CTNNA1: variants seen among roughly 807,000 people sequenced by gnomAD.
The protein encoded by CTNNA1 is catenin alpha 1, also known as catenin alpha-1.
Under a neutral mutation model 98.4 loss-of-function variants are expected in CTNNA1, and 37 were observed. The ratio of observed to expected loss-of-function variants is 0.38; its 90% CI spans 0.29 to 0.49. The LOEUF is 0.49. Among genes scored for constraint, CTNNA1 ranks in the 20% least tolerant of loss-of-function variants. The pLI is 0.95. For synonymous variants in CTNNA1, 404 were observed against 413.2 expected, an observed-to-expected ratio of 0.98 and a Z score of 0.27; for missense variants, 761 against 1,147.2, an observed-to-expected ratio of 0.66 and a Z score of 4.86.
At chr5:138,790,866 A>T (rs956305209) in intron 3 of CTNNA1, 6 of 152,134 alleles carry the variant, frequency 3.9e-5, no homozygotes, top group African/African-American at 1.4e-4. Context: ...TCATTTTGTG[A>T]CTATCGTACC....
intron 9 of CTNNA1, among the ~76,000 whole-genome samples, chr5:138,889,682 G>A (rs764222498): frequency 1.1e-4 from 13 of 113,542 alleles, no homozygotes; most frequent in Non-Finnish European, 1.8e-4. Context: ...TCACAGCTCA[G>A]TTCTGACCCC....
chr5:138,864,529 G>GT (rs754669279), intron 7 of CTNNA1, among the ~76,000 whole-genome samples: 29 of 152,174 alleles, frequency 1.9e-4, no homozygotes, highest in Non-Finnish European at 3.4e-4. Context: ...AAGAAGGGTA[G>GT]TTTTTGGGAG....
chr5:138,902,022 T>C (rs1343200863), intron 9 of CTNNA1, among the ~76,000 whole-genome samples: 3 of 152,180 alleles, frequency 2.0e-5, no homozygotes, highest in Non-Finnish European at 2.9e-5. Flanking sequence ...CCTCCTGAAA[T>C]AGGCAGTGTG....
intron 7 of CTNNA1, chr5:138,881,045 C>T (rs1752797813): frequency 2.2e-6 from 1 of 456,150 alleles, no homozygotes; most frequent in South Asian, 1.5e-5. Flanking sequence ...TTTATAGCAG[C>T]ATGTCAGCAT....
At chr5:138,834,244 A>G (rs1047992600) in intron 7 of CTNNA1, among the ~76,000 whole-genome samples, 10 of 152,200 alleles carry the variant, frequency 6.6e-5, no homozygotes, top group Admixed American at 5.9e-4. Flanking sequence ...GAATTAGAGT[A>G]GCTTAATTTT....
At chr5:138,893,873 C>T (rs1034702980) in intron 9 of CTNNA1, among the ~76,000 whole-genome samples, 10 of 151,702 alleles carry the variant, frequency 6.6e-5, no homozygotes, top group Non-Finnish European at 1.0e-4. Flanking sequence ...CTTCCCACCT[C>T]GGCCTCCCAA....
Position 138,874,763 on chromosome 5 carries a change from CTG to C in CTNNA1, c.1063-11447_1063-11446del, listed in dbSNP as rs1751118779. The stretch of plus-strand genomic sequence containing the variant: ...TTTAAAAAGAAGATAAAACATGTCT[CTG>C]TCATCATCGATATATGCTTTTACCT... On this transcript the variant is annotated intron_variant, in intron 7 of 17. Coordinates refer to ENST00000302763, the MANE Select transcript of CTNNA1 (RefSeq NM_001903.5). The surrounding 1 kb of genome is among the most constrained non-coding windows in gnomAD (Gnocchi z 4.1). 9 of 802,680 alleles carry C rather than the reference CTG, an allele frequency of 1.1e-5. No homozygotes were observed. In the South Asian group the frequency reaches 1.6e-4, roughly 14 times the overall value. The allele number at this position is 802,680 out of a possible 1,614,324, so 49.7% of individuals were successfully genotyped here.
In CTNNA1 at chr5:138,924,579, A is replaced by G; in HGVS notation, c.1616A>G (p.Asp539Gly). The stretch of plus-strand genomic sequence containing the variant: ...CAAGAGAAGGATGTGGATGGCCTGG[A>G]CCGCACAGCTGGTGCAATTCGAGGC... Reference protein sequence around the residue: ...ALQEKDVDGLDRTAGAIRGRA... With the variant: ...ALQEKDVDGLGRTAGAIRGRA... The change falls in exon 12 of 18, where the codon GAC becomes GGC. Residue 539 changes from aspartate (D) to glycine (G), a missense_variant. Asp to Gly is a moderately conservative substitution (Grantham distance 94). Around this residue, in one of 6 missense-constraint regions of CTNNA1, gnomAD observed 287 missense variants for 436.0 expected, o/e 0.66. Coordinates refer to ENST00000302763, the MANE Select transcript of CTNNA1 (RefSeq NM_001903.5). The G allele has an allele frequency of 6.2e-7, 1 of 1,614,184 alleles. No individual in the cohort carries two copies. Among genetic ancestry groups the G allele is most frequent in the Non-Finnish European group, 8.5e-7 (1 of 1,180,032 alleles).
intron 7 of CTNNA1, among the ~76,000 whole-genome samples, chr5:138,884,069 T>G (rs937403380): frequency 6.6e-6 from 1 of 152,160 alleles, no homozygotes; most frequent in African/African-American, 2.4e-5. Flanking sequence ...GGTGGTTGGG[T>G]CATACCTTGA....
intron 5 of CTNNA1, 49 bp from the exon 6 acceptor site, chr5:138,824,481 A>C: frequency 6.3e-7 from 1 of 1,585,720 alleles, no homozygotes; most frequent in Non-Finnish European, 8.6e-7. Context: ...TATATGAGTA[A>C]AGCCCATATA....
intron 1 of CTNNA1, among the ~76,000 whole-genome samples, chr5:138,777,298 A>G (rs1327970376): frequency 4.5e-5 from 6 of 133,724 alleles, no homozygotes; most frequent in African/African-American, 8.7e-5. Flanking sequence ...CCTAGATGGG[A>G]TGGCGGCCGG....
At chr5:138,784,585 G>A (rs780007958) in intron 3 of CTNNA1, among the ~76,000 whole-genome samples, 4 of 152,084 alleles carry the variant, frequency 2.6e-5, no homozygotes, top group Non-Finnish European at 5.9e-5. Context: ...TACTAATTAG[G>A]CAGGTATATT....
intron 1 of CTNNA1, among the ~76,000 whole-genome samples, chr5:138,776,511 C>G (rs1160280205): frequency 1.3e-5 from 2 of 152,228 alleles, no homozygotes; most frequent in Non-Finnish European, 2.9e-5. Flanking sequence ...CTTTTCTATT[C>G]CACAAAACCG....
chr5:138,804,715 T>A, intron 3 of CTNNA1, among the ~76,000 whole-genome samples: 1 of 133,172 alleles, frequency 7.5e-6, no homozygotes, highest in East Asian at 2.5e-4. Flanking sequence ...TTTCTGCTTT[T>A]TCAGCTGTTA....
intron 7 of CTNNA1, among the ~76,000 whole-genome samples, chr5:138,852,554 A>G (rs1763298563): frequency 6.6e-6 from 1 of 152,082 alleles, no homozygotes; most frequent in African/African-American, 2.4e-5. Context: ...CTTCCTATAT[A>G]GGTCATATTT....
At chr5:138,862,454 T>C (rs1029084946) in intron 7 of CTNNA1, among the ~76,000 whole-genome samples, 3 of 152,230 alleles carry the variant, frequency 2.0e-5, no homozygotes, top group Non-Finnish European at 2.9e-5. Context: ...GAGATTCTTA[T>C]TTCTTTTGAA....
intron 3 of CTNNA1, among the ~76,000 whole-genome samples, chr5:138,794,616 T>C (rs889911483): frequency 8.5e-5 from 13 of 152,242 alleles, no homozygotes; most frequent in African/African-American, 2.9e-4. Context: ...GGCTGTGTTA[T>C]GAAGTCTATT....
At chr5:138,757,431 T>G (rs1751790098) in intron 1 of CTNNA1, among the ~76,000 whole-genome samples, 1 of 152,058 alleles carries the variant, frequency 6.6e-6, no homozygotes. Flanking sequence ...ATCATGCCCC[T>G]GCACTCCAGC....
intron 2 of CTNNA1, 45 bp downstream of exon 2, chr5:138,782,074 C>G: frequency 6.4e-7 from 1 of 1,567,704 alleles, no homozygotes; most frequent in Non-Finnish European, 8.7e-7. Context: ...GGTTCTATAG[C>G]ACAGGCCTGG....
Sources: allele counts gnomAD v4.1 joint callset (sites outside exome capture counted in the v4.1 genomes callset), GRCh38; gene constraint gnomAD v4.1.1; regional missense constraint gnomAD v4.1.1; non-coding constraint Gnocchi (gnomAD v3.1); transcripts MANE v1.5; gene names NCBI Gene and HGNC (gene_info 2026-07-23, HGNC 2026-07-21).